Variants in COL18A1 observed in about 807,000 individuals in gnomAD.
COL18A1 encodes the protein collagen alpha-1(XVIII) chain.
Under a neutral mutation model 168.0 loss-of-function variants are expected in COL18A1, and 133 were observed. That is an observed-to-expected ratio of 0.79 (90% CI 0.69 to 0.91). The LOEUF (loss-of-function observed/expected upper bound fraction) is 0.91, where lower values mean the gene tolerates loss of function less well. COL18A1 is among the 40% of genes least tolerant of loss of function. COL18A1 has a pLI of 0.00. For synonymous variants in COL18A1, 949 were observed against 809.0 expected (o/e 1.17, Z -2.94); for missense variants, 2,126 against 1,925.4 (o/e 1.10, Z -1.95).
At chr21:45,431,382 G>A (rs958293009) in intron 2 of COL18A1, among the ~76,000 whole-genome samples, 2 of 149,802 alleles carry the variant, frequency 1.3e-5, no homozygotes, top group African/African-American at 5.0e-5. Flanking sequence ...AGGACCCGGC[G>A]GCCCAGGGGA....
chr21:45,464,515 G>A (rs1246605770), intron 2 of COL18A1, among the ~76,000 whole-genome samples: 4 of 152,158 alleles, frequency 2.6e-5, no homozygotes, highest in African/African-American at 9.7e-5. Flanking sequence ...TCCTATTGGC[G>A]ACTGTAAGAA....
At chr21:45,511,305 T>G (rs1568955560) in intron 41 of COL18A1, 79 bp downstream of exon 41, 1 of 755,714 alleles carries the variant, frequency 1.3e-6, no homozygotes, top group East Asian at 2.7e-5. Flanking sequence ...ATCTGCAGTT[T>G]CCCCCCGAGT....
intron 14 of COL18A1, chr21:45,482,229 A>G: frequency 1.6e-6 from 1 of 622,544 alleles, no homozygotes; most frequent in South Asian, 1.8e-5. Context: ...CCCTGTGATG[A>G]TGAGTGGACT....
chr21:45,437,191 GACAC>G (rs1269951859), intron 2 of COL18A1, among the ~76,000 whole-genome samples: 1 of 62,552 alleles, frequency 1.6e-5, no homozygotes, highest in Non-Finnish European at 2.9e-5. Context: ...CACTCACACA[GACAC>G]ACAGGCACTC....
chr21:45,505,978 G>C lies in COL18A1; in HGVS notation c.3216+12G>C, dbSNP rs762062659. The stretch of plus-strand genomic sequence containing the variant: ...TCCGGAAGGTCCAGGTGAGCGCTCT[G>C]TGTGACGGGTTCTGGACCCGTGGAA... On this transcript the variant is annotated intron_variant, in intron 37 of 41. Coordinates refer to ENST00000651438, the MANE Select transcript of COL18A1 (RefSeq NM_001379500.1). The C allele has an allele frequency of 6.8e-6, 11 of 1,612,918 alleles. No individual in the cohort carries two copies. The highest frequency in any genetic ancestry group is 1.3e-5 in the African/African-American group (1 of 74,946).
In COL18A1 at chr21:45,455,586, C is replaced by T. The variant is rs7277693; in HGVS notation, c.107-12656C>T. 1.1e-3 allele frequency: 1,811 copies of T among 1,613,930 alleles called. 23 individuals carry two copies. In the African/African-American group the frequency reaches 0.021, roughly 19 times the overall value. ...CTGCTGCTGCTCTTCTGCTGCCTGG[C>T]GGCTGCCCGGGCCAACCTGCTGAAC... On this transcript the variant is annotated intron_variant, in intron 2 of 41. Coordinates refer to ENST00000651438, the MANE Select transcript of COL18A1 (RefSeq NM_001379500.1).
At chr21:45,448,838 G>A (rs555605826) in intron 2 of COL18A1, among the ~76,000 whole-genome samples, 40 of 152,362 alleles carry the variant, frequency 2.6e-4, no homozygotes, top group African/African-American at 9.6e-4. Context: ...TCTGTAGTCT[G>A]TTGACTCTGG....
intron 37 of COL18A1, 63 bp from the exon 38 acceptor site, chr21:45,507,472 TGGGGCGGGAGAGTCGGGTGCTGGGCA>T: frequency 2.4e-6 from 1 of 409,094 alleles, no homozygotes; most frequent in African/African-American, 5.7e-5. Context: ...GGCCAGGTGC[TGGGGCGGGAGAGTCGGGTGCTGGGCA>T]GGGAGGGCAC....
intron 2 of COL18A1, among the ~76,000 whole-genome samples, chr21:45,437,358 GCAC>G (rs1569287707): frequency 5.0e-4 from 8 of 15,854 alleles, no homozygotes; most frequent in Admixed American, 7.3e-4. Flanking sequence ...ACTCTCCTGC[GCAC>G]ACACACACAC....
In COL18A1 at chr21:45,505,910, G is replaced by A. The variant is rs759489506; in HGVS notation, c.3160G>A (p.Val1054Met). 95 of 1,613,096 alleles carry A rather than the reference G, an allele frequency of 5.9e-5. No homozygotes were observed. Among genetic ancestry groups the A allele is most frequent in the South Asian group, 1.3e-4 (12 of 91,088 alleles). ...GGTTCCCGAGGGCTGGCTCATCTTC[G>A]TGGCCGAGCAGGAGGAGCTCTACGT... is the stretch of plus-strand genomic sequence containing the variant. ...HEVPEGWLIF[V>M]AEQEELYVRV... The change falls in exon 37 of 42, where the codon GTG becomes ATG. Residue 1054 changes from valine (V) to methionine (M), a missense_variant. Transcript: ENST00000651438.
At position 45,512,708 on chromosome 21, in the gene COL18A1, C is replaced by T. The variant is rs1013823154; in HGVS notation, c.*310C>T. The stretch of plus-strand genomic sequence containing the variant: ...CTCTTGGCCTGATCAGACCACGGCT[C>T]GATTTCTCCAGGATTTCCTGCTTTG... On this transcript the variant is annotated 3_prime_UTR_variant, in exon 42 of 42. Transcript: ENST00000651438. The T allele has an allele frequency of 2.7e-5, 12 of 442,298 alleles. No individual in the cohort carries two copies. The highest frequency in any genetic ancestry group is 1.4e-4 in the African/African-American group (7 of 50,284). The allele number at this position is 442,298 out of a possible 1,614,324, so 27.4% of individuals were successfully genotyped here.
chr21:45,482,751 G>A, intron 14 of COL18A1, 44 bp from the exon 15 acceptor site: 7 of 1,614,220 alleles, frequency 4.3e-6, no homozygotes, highest in Non-Finnish European at 5.9e-6. Context: ...TGTCCACTGT[G>A]CTGCAAGTCT....
chr21:45,434,338 G>A (rs1473556728), intron 2 of COL18A1, among the ~76,000 whole-genome samples: 1 of 152,220 alleles, frequency 6.6e-6, no homozygotes, highest in Non-Finnish European at 1.5e-5. Context: ...AGGAGCTCCT[G>A]AAACCTCTGT....
At chr21:45,426,352 G>A (rs914026477) in intron 2 of COL18A1, among the ~76,000 whole-genome samples, 3 of 152,170 alleles carry the variant, frequency 2.0e-5, no homozygotes, top group Non-Finnish European at 4.4e-5. Context: ...TGATCCGCCT[G>A]CCTTGGCCTC....
intron 30 of COL18A1, 66 bp from the exon 31 acceptor site, chr21:45,496,984 C>G: frequency 3.6e-6 from 4 of 1,117,730 alleles, no homozygotes; most frequent in Non-Finnish European, 5.5e-6. Flanking sequence ...TTGGGGACCC[C>G]TGAGTGGTGG....
At chr21:45,491,391 C>CG (rs1568923194) in intron 22 of COL18A1, 77 bp downstream of exon 22, 17 of 727,598 alleles carry the variant, frequency 2.3e-5, no homozygotes, top group South Asian at 1.6e-4. Context: ...CCGAGCCCCC[C>CG]CCACACCCCC....
intron 15 of COL18A1, among the ~76,000 whole-genome samples, chr21:45,484,562 T>C (rs1188002510): frequency 6.6e-6 from 1 of 152,286 alleles, no homozygotes; most frequent in Non-Finnish European, 1.5e-5. Context: ...AGCTCTCATG[T>C]ATGTGCACGT....
intron 2 of COL18A1, among the ~76,000 whole-genome samples, chr21:45,433,831 T>C (rs2034028102): frequency 6.6e-6 from 1 of 152,198 alleles, no homozygotes; most frequent in Non-Finnish European, 1.5e-5. Flanking sequence ...CTGAAAGCAC[T>C]GGCCAGGGGA....
At chr21:45,486,733 G>T in intron 15 of COL18A1, 128 bp from the exon 16 acceptor site, 1 of 1,050,372 alleles carries the variant, frequency 9.5e-7, no homozygotes, top group Non-Finnish European at 1.4e-6. Flanking sequence ...TGCGTTGCTT[G>T]GCAGAATGTT....
Sources: gnomAD v4.1 joint callset for allele counts (sites outside exome capture counted in the v4.1 genomes callset) on GRCh38, gnomAD v4.1.1 for gene constraint, MANE v1.5 for transcripts, NCBI Gene and HGNC (gene_info 2026-07-23, HGNC 2026-07-21) for gene names.